Variants in DRD2 observed in about 807,000 individuals in gnomAD.
DRD2 encodes the protein dopamine receptor D2, also known as D(2) dopamine receptor.
Under a neutral mutation model 38.0 loss-of-function variants are expected in DRD2, and 8 were observed. That is an observed-to-expected ratio of 0.21 (90% CI 0.12 to 0.38). The LOEUF (loss-of-function observed/expected upper bound fraction) is 0.38, where lower values mean the gene tolerates loss of function less well. Among genes scored for constraint, DRD2 ranks in the 10% least tolerant of loss-of-function variants. The probability of loss-of-function intolerance (pLI) is 1.00; values close to 1 mark genes in which losing one functional copy is unlikely to be tolerated. For missense variants in DRD2, 403 were observed against 607.7 expected (o/e 0.66, Z 3.54); for synonymous variants, 230 against 238.6 (o/e 0.96, Z 0.33).
intron 1 of DRD2, among the ~76,000 whole-genome samples, chr11:113,442,911 T>G (rs1303300754): frequency 1.3e-5 from 2 of 152,164 alleles, no homozygotes; most frequent in Admixed American, 6.5e-5. Flanking sequence ...TTTTCCTCCA[T>G]GCAGTGCTGG....
chr11:113,456,630 T>C (rs919276793), intron 1 of DRD2, among the ~76,000 whole-genome samples: 4 of 152,128 alleles, frequency 2.6e-5, no homozygotes, highest in Admixed American at 6.5e-5. Context: ...GAAGACAGCA[T>C]GCTAAGGGAA....
chr11:113,439,621 C>T (rs1026197241), intron 1 of DRD2, among the ~76,000 whole-genome samples: 1 of 151,828 alleles, frequency 6.6e-6, no homozygotes, highest in Admixed American at 6.6e-5. Flanking sequence ...AGCTAGATCA[C>T]TTGAGGTCAG....
chr11:113,460,374 C>T (rs1045238817), intron 1 of DRD2, among the ~76,000 whole-genome samples: 1 of 152,212 alleles, frequency 6.6e-6, no homozygotes, highest in Non-Finnish European at 1.5e-5. Flanking sequence ...GGCAGACTTT[C>T]CTGAGCCACA....
intron 1 of DRD2, among the ~76,000 whole-genome samples, chr11:113,430,138 A>G (rs1296647190): frequency 6.6e-6 from 1 of 152,160 alleles, no homozygotes; most frequent in African/African-American, 2.4e-5. Context: ...GATGGATTTC[A>G]AGATGCAGCC....
At chr11:113,432,311 TCTCTC>T (rs1950995020) in intron 1 of DRD2, among the ~76,000 whole-genome samples, 1 of 151,660 alleles carries the variant, frequency 6.6e-6, no homozygotes, top group African/African-American at 2.4e-5. Flanking sequence ...TCTCTCTCTC[TCTCTC>T]TCTCTCTCTC....
At chr11:113,411,598 T>C (rs553819054) in intron 7 of DRD2, 41 of 152,670 alleles carry the variant, frequency 2.7e-4, no homozygotes, top group Admixed American at 5.9e-4. Flanking sequence ...GTACATGGAA[T>C]GCCCTACAGG....
intron 1 of DRD2, among the ~76,000 whole-genome samples, chr11:113,439,954 A>G (rs1221336735): frequency 1.3e-5 from 2 of 150,290 alleles, no homozygotes; most frequent in Admixed American, 1.3e-4. Flanking sequence ...GATTGCAATT[A>G]AGGTCTCTAG....
At chr11:113,457,467 T>A (rs1171409453) in intron 1 of DRD2, among the ~76,000 whole-genome samples, 1 of 152,028 alleles carries the variant, frequency 6.6e-6, no homozygotes, top group African/African-American at 2.4e-5. Flanking sequence ...ATAGTACTTC[T>A]GCTTCCACCG....
chr11:113,455,729 C>T (rs1951262990), intron 1 of DRD2, among the ~76,000 whole-genome samples: 1 of 152,116 alleles, frequency 6.6e-6, no homozygotes, highest in South Asian at 2.1e-4. Context: ...AATAAAACCA[C>T]AATGAGATGT....
intron 1 of DRD2, among the ~76,000 whole-genome samples, chr11:113,430,058 G>T (rs947459724): frequency 1.3e-5 from 2 of 152,176 alleles, no homozygotes; most frequent in Non-Finnish European, 2.9e-5. Flanking sequence ...AGCTCACTAG[G>T]GTCTGAGGTC....
chr11:113,429,756 G>A (rs753272384), intron 1 of DRD2, among the ~76,000 whole-genome samples: 3 of 152,138 alleles, frequency 2.0e-5, no homozygotes, highest in South Asian at 4.2e-4. Flanking sequence ...TATAACATTC[G>A]AGTTGAGGAC....
chr11:113,410,564 G>T lies in DRD2; in HGVS notation c.*163C>A. On this transcript the variant is annotated 3_prime_UTR_variant, in exon 8 of 8. Coordinates refer to ENST00000362072, the MANE Select transcript of DRD2 (RefSeq NM_000795.4). ...CACTGCCCTGGCAGAGTGAGGGTGT[G>T]CGGGCAGTGAGGAGCATGGAGCCAA... 1.1e-6 allele frequency: 1 copy of T among 888,310 alleles called. No individual in the cohort carries two copies. The highest frequency in any genetic ancestry group is 1.8e-6 in the Non-Finnish European group (1 of 552,892). 55.0% of individuals were successfully genotyped at this position (888,310 alleles called of 1,614,324 possible).
intron 6 of DRD2, chr11:113,413,866 G>A (rs550039693): frequency 2.9e-4 from 68 of 237,994 alleles, no homozygotes; most frequent in East Asian, 1.9e-3. Flanking sequence ...GCTCTGCTGC[G>A]TCCTACCCCA....
intron 1 of DRD2, among the ~76,000 whole-genome samples, chr11:113,429,755 C>T (rs765856794): frequency 9.2e-5 from 14 of 152,156 alleles, no homozygotes; most frequent in Admixed American, 2.6e-4. Flanking sequence ...GTATAACATT[C>T]GAGTTGAGGA....
At chr11:113,413,492 CT>C (rs553710087) in intron 6 of DRD2, among the ~76,000 whole-genome samples, 7 of 152,198 alleles carry the variant, frequency 4.6e-5, no homozygotes, top group African/African-American at 7.2e-5. Flanking sequence ...TCCATAGGTT[CT>C]CTTGTTTGAG....
At chr11:113,431,250 TA>T (rs1199750452) in intron 1 of DRD2, among the ~76,000 whole-genome samples, 1 of 152,222 alleles carries the variant, frequency 6.6e-6, no homozygotes, top group Non-Finnish European at 1.5e-5. Context: ...TCTAATCCTG[TA>T]GCTGCCAGGC....
At chr11:113,437,944 C>T (rs748345857) in intron 1 of DRD2, among the ~76,000 whole-genome samples, 3 of 152,142 alleles carry the variant, frequency 2.0e-5, no homozygotes, top group African/African-American at 4.8e-5. Flanking sequence ...CTCCTCATCC[C>T]GACAACAGAC....
rs186901125 is a variant in DRD2 at position 113,470,392 on chromosome 11, T to A, written c.-32+4684A>T. ...AGTTCTGTGCTGAGCGACAGCTTCC[T>A]GGAAGGCAGGACTGCCCAGGCTAAC... is the stretch of plus-strand genomic sequence containing the variant. On this transcript the variant is annotated intron_variant, in intron 1 of 7. Transcript: ENST00000362072. Among the ~76,000 whole-genome samples the A allele has an allele frequency of 4.6e-5, 7 of 152,280 alleles. No individual in the cohort carries two copies. In the East Asian group the frequency reaches 1.4e-3, roughly 29 times the overall value.
chr11:113,414,485 G>A (rs201369031), intron 5 of DRD2, 24 bp from the exon 6 acceptor site: 3 of 1,613,652 alleles, frequency 1.9e-6, no homozygotes, highest in Non-Finnish European at 2.5e-6. Context: ...CAGCACATGG[G>A]TCACACAAAG....
Sources: gnomAD v4.1 joint callset for allele counts (sites outside exome capture counted in the v4.1 genomes callset) on GRCh38, gnomAD v4.1.1 for gene constraint, MANE v1.5 for transcripts, NCBI Gene and HGNC (gene_info 2026-07-23, HGNC 2026-07-21) for gene names.